The following BPIFA1 variants were observed in gnomAD, a reference collection of about 807,000 sequenced individuals.
The protein encoded by BPIFA1 is BPI fold-containing family A member 1.
BPIFA1 carries 24 observed loss-of-function variants against 25.1 expected under a neutral mutation model. The observed-to-expected ratio is 0.96, with a 90% CI of 0.69 to 1.35. BPIFA1 has a LOEUF of 1.35. Among genes scored for constraint, BPIFA1 ranks in the 40% most tolerant of loss-of-function variants. The probability of loss-of-function intolerance (pLI) is 0.00; values close to 1 mark genes in which losing one functional copy is unlikely to be tolerated. For missense variants in BPIFA1, 344 were observed against 303.7 expected (o/e 1.13, Z -0.99); for synonymous variants, 139 against 131.8 (o/e 1.05, Z -0.37).
intron 7 of BPIFA1, 34 bp from the exon 8 acceptor site, chr20:33,242,453 C>G: frequency 1.9e-6 from 3 of 1,612,158 alleles, no homozygotes; most frequent in Non-Finnish European, 2.5e-6. Context: ...TCATAACTGT[C>G]GTCTGTTTTT....
At chr20:33,238,301 CG>C in intron 3 of BPIFA1, 87 bp downstream of exon 3, 1 of 1,455,078 alleles carries the variant, frequency 6.9e-7, no homozygotes, top group Non-Finnish European at 9.3e-7. Context: ...CCTGAAGCAG[CG>C]ACCCTGAAGC....
chr20:33,238,994 A>G (rs1364251596), intron 3 of BPIFA1, among the ~76,000 whole-genome samples: 3 of 152,176 alleles, frequency 2.0e-5, no homozygotes, highest in Non-Finnish European at 4.4e-5. Flanking sequence ...TGGTTTCTCC[A>G]TCTGTAAAAT....
At chr20:33,238,290 C>A in intron 3 of BPIFA1, 76 bp downstream of exon 3, 1 of 845,902 alleles carries the variant, frequency 1.2e-6, no homozygotes, top group Non-Finnish European at 1.6e-6. Context: ...CAGGCAGTGA[C>A]CCTGAAGCAG....
At chr20:33,237,208 A>C (rs1301031918) in intron 1 of BPIFA1, among the ~76,000 whole-genome samples, 2 of 152,136 alleles carry the variant, frequency 1.3e-5, no homozygotes, top group Non-Finnish European at 2.9e-5. Context: ...GACCTTGGGG[A>C]AAGTTACCCA....
intron 5 of BPIFA1, 151 bp from the exon 6 acceptor site, chr20:33,241,234 C>G (rs1318243278): frequency 1.4e-6 from 1 of 716,988 alleles, no homozygotes; most frequent in African/African-American, 1.8e-5. Flanking sequence ...TTACATAAGA[C>G]CCTTGCTGTT....
chr20:33,242,195 C>A, intron 7 of BPIFA1, 76 bp downstream of exon 7: 1 of 1,445,636 alleles, frequency 6.9e-7, no homozygotes, highest in Non-Finnish European at 9.7e-7. Context: ...TTTCCCTGCA[C>A]ACCCTAGGAT....
rs367656549 is a variant in BPIFA1 at position 33,241,399 on chromosome 20, C to A, written c.596C>A (p.Pro199His). ...ISLLDGLGPL[P>H]IQGLLDSLTG... is the part of the protein sequence containing the mutation. ...TTCTCTTTCAGACTTGGCCCCCTCC[C>A]CATTCAAGGTCTTCTGGACAGCCTC... The change falls in exon 6 of 9, where the codon CCC becomes CAC. Residue 199 changes from proline to histidine, a missense_variant. Physicochemically the swap from Pro to His is moderately conservative, Grantham distance 77. Coordinates refer to ENST00000354297, the MANE Select transcript of BPIFA1 (RefSeq NM_130852.3). 6.2e-7 allele frequency: 1 copy of A among 1,613,898 alleles called. No homozygotes were observed. Among genetic ancestry groups the A allele is most frequent in the African/African-American group, 1.3e-5 (1 of 74,902 alleles).
intron 3 of BPIFA1, among the ~76,000 whole-genome samples, chr20:33,239,470 T>C (rs1978851116): frequency 6.6e-6 from 1 of 152,208 alleles, no homozygotes; most frequent in Non-Finnish European, 1.5e-5. Context: ...TCCAGTCAAC[T>C]AATATGAAGT....
intron 3 of BPIFA1, among the ~76,000 whole-genome samples, chr20:33,238,490 GT>G (rs1465230760): frequency 6.6e-6 from 1 of 152,186 alleles, no homozygotes; most frequent in Non-Finnish European, 1.5e-5. Context: ...ATAATCTCCA[GT>G]TTGCAAATGG....
Position 33,238,158 on chromosome 20 carries a change from T to G in BPIFA1, c.264T>G (p.Leu88=), listed in dbSNP as rs200411187. ...GAGGAGGTACTTCTGGTGGCCTCCTTGGGGGACTGCTTGGAAAAGTGACGT... is the reference window on the plus strand; with the variant it reads ...GAGGAGGTACTTCTGGTGGCCTCCTGGGGGGACTGCTTGGAAAAGTGACGT... ...KPGGGTSGGL[L]GGLLGKVTSV... Residue 88 remains leucine, a synonymous_variant, in exon 3 of 9, where the codon CTT becomes CTG. Transcript: ENST00000354297. 5 of 1,613,780 alleles carry G rather than the reference T, an allele frequency of 3.1e-6. No individual in the cohort carries two copies. The African/African-American group carries it at 6.7e-5, about 22-fold the overall frequency.
chr20:33,242,038 C>T lies in BPIFA1; in HGVS notation c.667-18C>T, dbSNP rs1203393252. The T allele has an allele frequency of 6.2e-7, 1 of 1,613,226 alleles. No homozygotes were observed. On this transcript the variant is annotated intron_variant, in intron 6 of 8. Transcript: ENST00000354297. ...CAGGGTGCCACTCTGCCTAACTCTC[C>T]TCTCTGCCCCTGGCCAGGTGTGCCC...
In BPIFA1 at chr20:33,242,864, A is replaced by G. The variant is rs115738032; in HGVS notation, c.*35-243A>G. Among the ~76,000 whole-genome samples the G allele has an allele frequency of 7.9e-3, 1,198 of 152,164 alleles. 12 individuals are homozygous for G. The highest frequency in any genetic ancestry group is 0.027 in the African/African-American group (1,139 of 41,512). ...ACATGCACACATTGGTGGACTCACC[A>G]CACACAGACACACACACTCTCACCC... On this transcript the variant is annotated intron_variant, in intron 8 of 8. Coordinates refer to ENST00000354297, the MANE Select transcript of BPIFA1 (RefSeq NM_130852.3).
At position 33,240,462 on chromosome 20, in the gene BPIFA1, C is replaced by A. The variant is rs765058818; in HGVS notation, c.581+77C>A. 282 of 1,542,000 alleles carry A rather than the reference C, an allele frequency of 1.8e-4. 2 individuals are homozygous for A. The highest frequency in any genetic ancestry group is 2.4e-4 in the Non-Finnish European group (276 of 1,132,230). ...CGGATGGATGATTGGAAAGCTGAGACAATGAGAGAATAGATGAGTGAGAGG... is the reference window on the plus strand; with the variant it reads ...CGGATGGATGATTGGAAAGCTGAGAAAATGAGAGAATAGATGAGTGAGAGG... On this transcript the variant is annotated intron_variant, in intron 5 of 8. Coordinates refer to ENST00000354297, the MANE Select transcript of BPIFA1 (RefSeq NM_130852.3).
intron 3 of BPIFA1, among the ~76,000 whole-genome samples, chr20:33,238,449 A>G (rs1294911190): frequency 6.6e-6 from 1 of 152,126 alleles, no homozygotes; most frequent in African/African-American, 2.4e-5. Flanking sequence ...ATCATCTATA[A>G]TCCTCACCAC....
At chr20:33,240,682 G>A (rs1797410623) in intron 5 of BPIFA1, among the ~76,000 whole-genome samples, 1 of 146,058 alleles carries the variant, frequency 6.8e-6, no homozygotes, top group African/African-American at 2.8e-5. Flanking sequence ...TAGATAGATA[G>A]ATAGATAAAG....
intron 8 of BPIFA1, 28 bp downstream of exon 8, chr20:33,242,589 T>G: frequency 6.5e-7 from 1 of 1,534,864 alleles, no homozygotes; most frequent in Non-Finnish European, 9.0e-7. Context: ...CACCCCAGGG[T>G]TTTGGGGGCT....
intron 3 of BPIFA1, among the ~76,000 whole-genome samples, chr20:33,239,067 G>T (rs1201522477): frequency 6.6e-6 from 1 of 152,158 alleles, no homozygotes; most frequent in Non-Finnish European, 1.5e-5. Context: ...AAATCACCTG[G>T]CGCAGTGGCT....
At chr20:33,241,529 C>T in intron 6 of BPIFA1, 60 bp downstream of exon 6, 1 of 1,480,770 alleles carries the variant, frequency 6.8e-7, no homozygotes, top group African/African-American at 1.4e-5. Context: ...TGCACTAAAA[C>T]AAAGCCCTGA....
chr20:33,242,541 G>C lies in BPIFA1; in HGVS notation c.*14G>C, dbSNP rs1052268552. 5 of 1,613,768 alleles carry C rather than the reference G, an allele frequency of 3.1e-6. No individual in the cohort carries two copies. ...ATCAAGGTCTAAGCCTTCCAGGAAGGGGCTGGCCTCTGCTGAGCTGGTAAG... is the reference window on the plus strand; with the variant it reads ...ATCAAGGTCTAAGCCTTCCAGGAAGCGGCTGGCCTCTGCTGAGCTGGTAAG... On this transcript the variant is annotated 3_prime_UTR_variant, in exon 8 of 9. Transcript: ENST00000354297.
Sources: allele counts gnomAD v4.1 joint callset (sites outside exome capture counted in the v4.1 genomes callset), GRCh38; gene constraint gnomAD v4.1.1; transcripts MANE v1.5; gene names NCBI Gene and HGNC (gene_info 2026-07-23, HGNC 2026-07-21).